EXOC6: variants seen among roughly 807,000 people sequenced by gnomAD.
EXOC6 encodes SEC15-like 1.
In EXOC6, 60 loss-of-function variants were observed where a neutral mutation model predicts 112.5. The observed-to-expected ratio is 0.53, with a 90% CI of 0.43 to 0.66. The LOEUF is 0.66. EXOC6 is among the 30% of genes least tolerant of loss of function. The probability of loss-of-function intolerance (pLI) is 0.00; values close to 1 mark genes in which losing one functional copy is unlikely to be tolerated. For missense variants in EXOC6, 855 were observed against 957.1 expected (o/e 0.89, Z 1.41); for synonymous variants, 295 against 308.0 (o/e 0.96, Z 0.44).
intron 19 of EXOC6, among the ~76,000 whole-genome samples, chr10:93,005,407 G>C (rs1291139700): frequency 1.3e-5 from 2 of 152,058 alleles, no homozygotes; most frequent in African/African-American, 2.4e-5. Context: ...ATTTGCCAAG[G>C]TATGAGAATG....
intron 1 of EXOC6, among the ~76,000 whole-genome samples, chr10:92,850,050 G>T (rs1847248289): frequency 6.6e-6 from 1 of 152,186 alleles, no homozygotes; most frequent in African/African-American, 2.4e-5. Flanking sequence ...ACTTGGTAAT[G>T]AAAGAAGTAA....
chr10:93,007,292 T>TAA (rs1564905427), intron 19 of EXOC6, among the ~76,000 whole-genome samples: 168 of 151,288 alleles, frequency 1.1e-3, no homozygotes, highest in African/African-American at 3.9e-3. Flanking sequence ...TCAAAAATTT[T>TAA]TTTTTTTTTA....
At chr10:92,848,915 C>A (rs995377536) in intron 1 of EXOC6, among the ~76,000 whole-genome samples, 1 of 152,102 alleles carries the variant, frequency 6.6e-6, no homozygotes, top group Non-Finnish European at 1.5e-5. Context: ...CCGGGCCCCG[C>A]GCTGCGGCCC....
At chr10:93,040,602 C>T (rs576752811) in intron 20 of EXOC6, among the ~76,000 whole-genome samples, 1 of 152,340 alleles carries the variant, frequency 6.6e-6, no homozygotes, top group South Asian at 2.1e-4. Context: ...TTTCTCTTCC[C>T]TCATTTGCAT....
intron 6 of EXOC6, among the ~76,000 whole-genome samples, chr10:92,914,627 G>A (rs980660104): frequency 5.9e-5 from 9 of 152,154 alleles, no homozygotes; most frequent in African/African-American, 1.9e-4. Flanking sequence ...ATACACAGGA[G>A]TGATAATAAT....
intron 1 of EXOC6, among the ~76,000 whole-genome samples, chr10:92,853,856 A>G (rs1169615563): frequency 6.6e-6 from 1 of 152,202 alleles, no homozygotes; most frequent in Non-Finnish European, 1.5e-5. Context: ...TTGCAAAAGC[A>G]TAATACATAA....
intron 4 of EXOC6, among the ~76,000 whole-genome samples, chr10:92,896,107 A>ATATATG (rs1564809636): frequency 1.3e-5 from 1 of 79,098 alleles, no homozygotes; most frequent in African/African-American, 5.4e-5. Context: ...GTGTATATAT[A>ATATATG]TGTGTATATA....
chr10:92,962,321 A>G (rs1854048186), intron 17 of EXOC6, among the ~76,000 whole-genome samples: 5 of 152,178 alleles, frequency 3.3e-5, no homozygotes, highest in South Asian at 4.1e-4. Flanking sequence ...ACTTGGGGGT[A>G]TATGTTAAAT....
intron 18 of EXOC6, among the ~76,000 whole-genome samples, chr10:92,989,690 CT>C (rs1475133978): frequency 1.3e-5 from 2 of 152,150 alleles, no homozygotes; most frequent in African/African-American, 2.4e-5. Context: ...ATTAAGCTTG[CT>C]AACAGACTTC....
chr10:92,883,156 T>C (rs1416991993), intron 1 of EXOC6, among the ~76,000 whole-genome samples: 1 of 152,254 alleles, frequency 6.6e-6, no homozygotes, highest in Admixed American at 6.5e-5. Context: ...AAATCTTGGC[T>C]TTAAATCAAT....
Position 92,952,283 on chromosome 10 carries a change from CA to C in EXOC6, c.1430del (p.Lys477ArgfsTer37). The C allele has an allele frequency of 6.2e-7, 1 of 1,601,342 alleles. No homozygotes were observed. The highest frequency in any genetic ancestry group is 8.5e-7 in the Non-Finnish European group (1 of 1,172,344). ...TTTCTTTTTCTACAGCAGTCTTTCC[CA>C]AAGAAATTCCCCATGTCTCAGTCAG... Reference protein sequence around the residue: ...QDPDLEKQSFPKKFPMSQSVP... With the variant: ...QDPDLEKQSFXKKFPMSQSVP... On this transcript the variant is annotated frameshift_variant, in exon 15 of 22. Transcript: ENST00000260762. LOFTEE classifies it high-confidence loss of function.
chr10:92,848,501 C>A, upstream of EXOC6: 3 of 1,312,256 alleles, frequency 2.3e-6, no homozygotes, highest in South Asian at 1.4e-5. Context: ...CCCGCGGCGC[C>A]GCGCCTCGCT....
At chr10:92,911,933 G>C (rs377475405) in intron 6 of EXOC6, among the ~76,000 whole-genome samples, 11 of 45,906 alleles carry the variant, frequency 2.4e-4, no homozygotes, top group East Asian at 5.2e-3. Flanking sequence ...CTCTCTCTCT[G>C]TGTGCGTGTG....
At chr10:92,866,022 G>A (rs1848158228) in intron 1 of EXOC6, among the ~76,000 whole-genome samples, 1 of 151,962 alleles carries the variant, frequency 6.6e-6, no homozygotes, top group Non-Finnish European at 1.5e-5. Context: ...CTCAGGGGTG[G>A]CAAAGGCAGA....
At chr10:92,950,820 G>A (rs1853363746) in intron 14 of EXOC6, among the ~76,000 whole-genome samples, 1 of 152,186 alleles carries the variant, frequency 6.6e-6, no homozygotes, top group South Asian at 2.1e-4. Flanking sequence ...ACCTATATGT[G>A]GAGAATGGAT....
At chr10:92,898,687 TAGAG>T (rs1849972969) in intron 4 of EXOC6, among the ~76,000 whole-genome samples, 2 of 152,090 alleles carry the variant, frequency 1.3e-5, no homozygotes, top group African/African-American at 2.4e-5. Context: ...GAGGCTATGA[TAGAG>T]AGATATACAT....
chr10:92,889,996 T>C (rs111263623), intron 1 of EXOC6, among the ~76,000 whole-genome samples: 2,288 of 152,296 alleles, frequency 0.015, 53 homozygotes, highest in African/African-American at 0.052. Flanking sequence ...AGTTTATCGA[T>C]GTCTGCAAAA....
chr10:92,856,278 G>A (rs533897124), intron 1 of EXOC6, among the ~76,000 whole-genome samples: 146 of 151,870 alleles, frequency 9.6e-4, no homozygotes, highest in Middle Eastern at 3.4e-3. Flanking sequence ...CCAACCTTAC[G>A]ATGGAAGTTT....
At chr10:92,831,886 A>C (rs1436359899), upstream of EXOC6, among the ~76,000 whole-genome samples, 1 of 152,202 alleles carries the variant, frequency 6.6e-6, no homozygotes, top group Non-Finnish European at 1.5e-5. Context: ...TTTTGTTCAC[A>C]TTATATTCTT....
Sources: allele counts gnomAD v4.1 joint callset (sites outside exome capture counted in the v4.1 genomes callset), GRCh38; gene constraint gnomAD v4.1.1; transcripts MANE v1.5; gene names NCBI Gene and HGNC (gene_info 2026-07-23, HGNC 2026-07-21).